Variants in SLC24A2 observed in about 807,000 individuals in gnomAD.
SLC24A2 encodes the protein sodium/potassium/calcium exchanger 2.
SLC24A2 carries 36 observed loss-of-function variants against 62.0 expected under a neutral mutation model. That is an observed-to-expected ratio of 0.58 (90% CI 0.44 to 0.77). The LOEUF is 0.77. Ranked by LOEUF, SLC24A2 falls within the 30% of genes least tolerant of loss-of-function variation. The probability of loss-of-function intolerance (pLI) is 0.00; values close to 1 mark genes in which losing one functional copy is unlikely to be tolerated. For synonymous variants in SLC24A2, 358 were observed against 294.0 expected (o/e 1.22, Z -2.23); for missense variants, 846 against 817.9 (o/e 1.03, Z -0.42).
At chr9:20,028,750 G>C in the SLC24A2 span, among the ~76,000 whole-genome samples, 1 of 152,168 alleles carries the variant, frequency 6.6e-6, no homozygotes, top group Non-Finnish European at 1.5e-5. Flanking sequence ...ACATCCCCCT[G>C]TCTGTCCTCC....
the SLC24A2 span, among the ~76,000 whole-genome samples, chr9:20,243,877 C>G: frequency 2.2e-4 from 33 of 152,154 alleles, no homozygotes; most frequent in African/African-American, 7.5e-4. Context: ...CCTGAGAAGT[C>G]TCTTCTTTCT....
intron 9 of SLC24A2, among the ~76,000 whole-genome samples, chr9:19,524,538 CAAA>C (rs1377819953): frequency 6.6e-6 from 1 of 151,128 alleles, no homozygotes; most frequent in Non-Finnish European, 1.5e-5. Context: ...GTGTTGATAA[CAAA>C]AGAGTTGAAC....
chr9:20,037,845 C>T, the SLC24A2 span, among the ~76,000 whole-genome samples: 9 of 152,254 alleles, frequency 5.9e-5, no homozygotes, highest in African/African-American at 2.2e-4. Context: ...GCAAAACATT[C>T]CACAAGGAAG....
chr9:20,221,643 T>C, the SLC24A2 span, among the ~76,000 whole-genome samples: 38 of 151,826 alleles, frequency 2.5e-4, no homozygotes, highest in Non-Finnish European at 4.7e-4. Flanking sequence ...ACAAAATATA[T>C]AAAAATAAAT....
At chr9:19,516,853 G>A (rs1832953267) in intron 10 of SLC24A2, among the ~76,000 whole-genome samples, 1 of 152,114 alleles carries the variant, frequency 6.6e-6, no homozygotes, top group South Asian at 2.1e-4. Flanking sequence ...TGGAGACAAA[G>A]AATAGCAATG....
intron 2 of SLC24A2, among the ~76,000 whole-genome samples, chr9:19,777,924 C>T (rs939965175): frequency 2.0e-5 from 3 of 152,014 alleles, no homozygotes; most frequent in African/African-American, 7.2e-5. Flanking sequence ...AAAAGGCAAA[C>T]CTAAAATTTA....
chr9:20,250,520 AG>A, the SLC24A2 span, among the ~76,000 whole-genome samples: 1 of 152,190 alleles, frequency 6.6e-6, no homozygotes, highest in African/African-American at 2.4e-5. Context: ...CTCAGACACT[AG>A]ACCTTGAAGA....
intron 2 of SLC24A2, among the ~76,000 whole-genome samples, chr9:19,703,847 C>T (rs1299938339): frequency 6.6e-6 from 1 of 152,124 alleles, no homozygotes; most frequent in Non-Finnish European, 1.5e-5. Context: ...AAGAATGAAT[C>T]ACTATTTTGT....
At chr9:19,944,943 C>T in the SLC24A2 span, among the ~76,000 whole-genome samples, 1 of 152,138 alleles carries the variant, frequency 6.6e-6, no homozygotes, top group Non-Finnish European at 1.5e-5. Flanking sequence ...TTGATTCACC[C>T]TGTATGTATC....
Position 19,786,769 on chromosome 9 carries a change from T to G in SLC24A2, c.98A>C (p.Lys33Thr), listed in dbSNP as rs113482298. ...GCCTAAGACTCGAATTAACTTCAGT[T>G]TTTTCTTGACACTATAATGTCTTCT... ...GCRRHYSVKK[K>T]LKLIRVLGLF... is the part of the protein sequence containing the mutation. The change falls in exon 2 of 11, where the codon AAA becomes ACA. Residue 33 changes from lysine to threonine, a missense_variant. Physicochemically the swap from Lys to Thr is moderately conservative, Grantham distance 78. Coordinates refer to ENST00000341998, the MANE Select transcript of SLC24A2 (RefSeq NM_020344.4). This position sits in a 1 kb window ranked among gnomAD's most constrained non-coding sequence, Gnocchi z 5.0. The G allele has an allele frequency of 1.9e-6, 3 of 1,601,838 alleles. No individual in the cohort carries two copies. In the East Asian group the frequency reaches 6.7e-5, roughly 36 times the overall value.
chr9:19,709,050 A>G (rs1464929215), intron 2 of SLC24A2, among the ~76,000 whole-genome samples: 1 of 152,192 alleles, frequency 6.6e-6, no homozygotes, highest in Non-Finnish European at 1.5e-5. Flanking sequence ...AACTCAAACA[A>G]ATTTACAAGA....
chr9:20,283,991 T>C, the SLC24A2 span, among the ~76,000 whole-genome samples: 18 of 152,202 alleles, frequency 1.2e-4, no homozygotes, highest in Non-Finnish European at 2.2e-4. Context: ...AAAGCTGCTT[T>C]TCCCTGGGTT....
the SLC24A2 span, among the ~76,000 whole-genome samples, chr9:19,884,992 G>A: frequency 6.6e-6 from 1 of 152,166 alleles, no homozygotes; most frequent in African/African-American, 2.4e-5. Flanking sequence ...AGTGGACAAG[G>A]TTGGATGGGA....
the SLC24A2 span, among the ~76,000 whole-genome samples, chr9:20,255,472 G>A: frequency 9.2e-5 from 14 of 152,192 alleles, no homozygotes; most frequent in African/African-American, 3.4e-4. Flanking sequence ...AACTCACACA[G>A]GACATAGCTC....
upstream of SLC24A2, among the ~76,000 whole-genome samples, chr9:19,790,009 T>C (rs1386640659): frequency 6.6e-6 from 1 of 152,092 alleles, no homozygotes; most frequent in Non-Finnish European, 1.5e-5. Flanking sequence ...CTGGGCCTAC[T>C]CATCAATAAG....
rs552246405 is a variant in SLC24A2, at chr9:19,536,448, G to A, written c.1480-8310C>T. On this transcript the variant is annotated intron_variant, in intron 8 of 10. Transcript: ENST00000341998. ...TTCCCACCTATGAGTGAGAATATGC[G>A]GCGTTTGGTTTTTTGTTCTTGCGAT... Among the ~76,000 whole-genome samples the A allele has an allele frequency of 1.5e-3, 160 of 107,028 alleles. 2 individuals are homozygous for A. Among genetic ancestry groups the A allele is most frequent in the South Asian group, 1.2e-3 (3 of 2,426 alleles). 70.2% of individuals were successfully genotyped at this position (107,028 alleles called of 152,430 possible).
chr9:20,048,834 T>C, the SLC24A2 span, among the ~76,000 whole-genome samples: 1 of 152,006 alleles, frequency 6.6e-6, no homozygotes, highest in African/African-American at 2.4e-5. Context: ...AAAATTTAGA[T>C]CCAGGCCTTT....
At chr9:19,696,638 A>G (rs10964254) in intron 2 of SLC24A2, among the ~76,000 whole-genome samples, 28,377 of 152,184 alleles carry the variant, frequency 0.19, 2,859 homozygotes, top group Middle Eastern at 0.24. Context: ...GTTACATTAA[A>G]TAAAACCTAT....
chr9:19,961,559 C>A, the SLC24A2 span, among the ~76,000 whole-genome samples: 805 of 152,338 alleles, frequency 5.3e-3, 5 homozygotes, highest in Non-Finnish European at 8.9e-3. Context: ...TCCCTAAAGC[C>A]TTCCTTCTTG....
Sources: allele counts gnomAD v4.1 joint callset (sites outside exome capture counted in the v4.1 genomes callset), GRCh38; gene constraint gnomAD v4.1.1; non-coding constraint Gnocchi (gnomAD v3.1); transcripts MANE v1.5; gene names NCBI Gene and HGNC (gene_info 2026-07-23, HGNC 2026-07-21).